Variants in DERA observed in about 807,000 individuals in gnomAD.
DERA encodes deoxyribose-phosphate aldolase.
DERA carries 15 observed loss-of-function variants against 41.1 expected under a neutral mutation model. The ratio of observed to expected loss-of-function variants is 0.37; its 90% CI spans 0.24 to 0.56. The LOEUF is 0.56. Among genes scored for constraint, DERA ranks in the 20% least tolerant of loss-of-function variants. DERA has a pLI of 0.81. For missense variants in DERA, 396 were observed against 403.4 expected (o/e 0.98, Z 0.16); for synonymous variants, 139 against 137.4 (o/e 1.01, Z -0.08).
In DERA at chr12:15,913,525, C is replaced by T. The variant is rs1274832403; in HGVS notation, c.31+2111C>T. ...TTTCTAAAATAAATTAACATTTTTG[C>T]TTCCCTTTTCTTATTACAAAAGGAA... On this transcript the variant is annotated intron_variant, in intron 1 of 8. Coordinates refer to ENST00000428559, the MANE Select transcript of DERA (RefSeq NM_015954.4). This position sits in a 1 kb window ranked among gnomAD's most constrained non-coding sequence, Gnocchi z 4.5. 6.6e-6 allele frequency among the ~76,000 whole-genome samples: 1 copy of T among 152,098 alleles called. No individual in the cohort carries two copies. Among genetic ancestry groups the T allele is most frequent in the African/African-American group, 2.4e-5 (1 of 41,442 alleles).
At chr12:15,925,535 T>A (rs1204129800) in intron 1 of DERA, among the ~76,000 whole-genome samples, 7 of 152,212 alleles carry the variant, frequency 4.6e-5, no homozygotes, top group African/African-American at 1.7e-4. Context: ...GAAATTGTTC[T>A]AAAATTAAGT....
intron 7 of DERA, among the ~76,000 whole-genome samples, chr12:16,033,625 T>G (rs983000956): frequency 1.7e-5 from 1 of 58,998 alleles, no homozygotes; most frequent in African/African-American, 5.4e-5. Flanking sequence ...GTGTGTGTGT[T>G]TAATGACACT....
At chr12:15,953,125 A>G (rs181876620) in intron 1 of DERA, among the ~76,000 whole-genome samples, 5 of 152,274 alleles carry the variant, frequency 3.3e-5, no homozygotes, top group Admixed American at 2.0e-4. Flanking sequence ...CTGAGAAACA[A>G]TGCTTTACGG....
chr12:15,999,613 G>C lies in DERA; in HGVS notation c.637+17177G>C, dbSNP rs914293959. ...ATGTCATGGTGAGAAAGCTGGTCTG[G>C]TTGGGCTGGAGAGTAAATGGAAAGT... On this transcript the variant is annotated intron_variant, in intron 6 of 8. Transcript: ENST00000428559. This position sits in a 1 kb window ranked among gnomAD's most constrained non-coding sequence, Gnocchi z 5.3. Among the ~76,000 whole-genome samples the C allele has an allele frequency of 2.0e-5, 3 of 152,300 alleles. No individual in the cohort carries two copies. Among genetic ancestry groups the C allele is most frequent in the South Asian group, 2.1e-4 (1 of 4,822 alleles).
In DERA at chr12:16,036,310, G is replaced by C. The variant is rs747251103; in HGVS notation, c.829G>C (p.Gly277Arg). The C allele has an allele frequency of 6.2e-7, 1 of 1,613,724 alleles. No homozygotes were observed. Among genetic ancestry groups the C allele is most frequent in the African/African-American group, 1.3e-5 (1 of 75,044 alleles). The change falls in exon 8 of 9, where the codon GGA becomes CGA. Residue 277 changes from glycine (G) to arginine (R), a missense_variant. Physicochemically the swap from Gly to Arg is moderately radical, Grantham distance 125. Coordinates refer to ENST00000428559, the MANE Select transcript of DERA (RefSeq NM_015954.4). This position sits in a 1 kb window ranked among gnomAD's most constrained non-coding sequence, Gnocchi z 4.9. ...AWLSLVKEEL[G>R]DEWLKPELFR... ...GCTCTCTCTTGTAAAGGAGGAGCTT[G>C]GAGATGAGTGGCTGAAGCCAGAACT... is the stretch of plus-strand genomic sequence containing the variant.
intron 5 of DERA, among the ~76,000 whole-genome samples, chr12:15,969,682 T>A (rs974473575): frequency 1.3e-5 from 2 of 152,218 alleles, no homozygotes; most frequent in Non-Finnish European, 2.9e-5. Context: ...TTCATTTTCT[T>A]ACATGAAGAG....
intron 5 of DERA, among the ~76,000 whole-genome samples, chr12:15,974,882 C>T (rs1294299490): frequency 6.6e-6 from 1 of 152,158 alleles, no homozygotes; most frequent in Non-Finnish European, 1.5e-5. Context: ...CCTTCCCTCG[C>T]TCCCTTCCTC....
Position 15,936,795 on chromosome 12 carries a change from G to A in DERA, c.32-20141G>A, listed in dbSNP as rs1237750876. Among the ~76,000 whole-genome samples the A allele has an allele frequency of 6.6e-6, 1 of 150,518 alleles. No individual in the cohort carries two copies. The highest frequency in any genetic ancestry group is 6.6e-5 in the Admixed American group (1 of 15,130). On this transcript the variant is annotated intron_variant, in intron 1 of 8. Transcript: ENST00000428559. The surrounding 1 kb of genome is among the most constrained non-coding windows in gnomAD (Gnocchi z 4.6). ...GTAGATTGTCTCACCACCCGGATTT[G>A]TCTGATTATTTTCTAGTGATGTCAT... is the stretch of plus-strand genomic sequence containing the variant.
chr12:15,973,066 C>A (rs1356636801), intron 5 of DERA, among the ~76,000 whole-genome samples: 1 of 152,120 alleles, frequency 6.6e-6, no homozygotes, highest in African/African-American at 2.4e-5. Flanking sequence ...TCCACTGACA[C>A]AGCCTCACTT....
chr12:15,958,073 A>AT (rs1193754294), intron 2 of DERA, 115 bp from the exon 3 acceptor site: 33 of 776,214 alleles, frequency 4.3e-5, no homozygotes, highest in Non-Finnish European at 1.4e-5. Flanking sequence ...CAGTGTAGGC[A>AT]TAAGATATTA....
intron 1 of DERA, among the ~76,000 whole-genome samples, chr12:15,946,866 G>T (rs1592011964): frequency 6.6e-6 from 1 of 152,260 alleles, no homozygotes; most frequent in Non-Finnish European, 1.5e-5. Context: ...GGCATTTAGT[G>T]CTATAAATTT....
rs1409931117 is a variant in DERA, at chr12:15,941,284, A to T, written c.32-15652A>T. On this transcript the variant is annotated intron_variant, in intron 1 of 8. Transcript: ENST00000428559. This position sits in a 1 kb window ranked among gnomAD's most constrained non-coding sequence, Gnocchi z 4.5. ...TCAGGCCGGGGCTCAACTAGCTGCT[A>T]TAGCAAATGGGTATAACAGAGACAC... 1.3e-5 allele frequency among the ~76,000 whole-genome samples: 2 copies of T among 152,172 alleles called. No homozygotes were observed. Among genetic ancestry groups the T allele is most frequent in the East Asian group, 3.8e-4 (2 of 5,200 alleles).
Position 16,032,570 on chromosome 12 carries a change from A to T in DERA, c.666A>T (p.Gly222=). The T allele has an allele frequency of 6.4e-7, 1 of 1,557,230 alleles. No individual in the cohort carries two copies. The highest frequency in any genetic ancestry group is 8.7e-7 in the Non-Finnish European group (1 of 1,151,144). The change falls in exon 7 of 9, where the codon GGA becomes GGT. Residue 222 remains glycine, a synonymous_variant. Transcript: ENST00000428559. ...AGSDFIKTST[G]KETVNATFPV... ...CAGATTTTATTAAGACCTCTACTGG[A>T]AAAGAAACAGTAAATGCCACCTTCC...
chr12:15,961,325 A>G lies in DERA; in HGVS notation c.373+1401A>G, dbSNP rs113290771. Among the ~76,000 whole-genome samples the G allele has an allele frequency of 6.3e-4, 96 of 152,332 alleles. 3 individuals are homozygous for G. The highest frequency in any genetic ancestry group is 3.4e-3 in the Middle Eastern group (1 of 294). On this transcript the variant is annotated intron_variant, in intron 4 of 8. Transcript: ENST00000428559. ...TGTATATGGATGGATGAATAGACAG[A>G]TATAAAATTAGATTCTAGTTTTAAG...
At chr12:15,977,950 C>T (rs1182600639) in intron 5 of DERA, among the ~76,000 whole-genome samples, 1 of 152,180 alleles carries the variant, frequency 6.6e-6, no homozygotes, top group Non-Finnish European at 1.5e-5. Flanking sequence ...GAACTTATTG[C>T]TTCACTTGTA....
chr12:16,031,559 G>A (rs980604313), intron 6 of DERA, among the ~76,000 whole-genome samples: 2 of 152,164 alleles, frequency 1.3e-5, no homozygotes, highest in African/African-American at 4.8e-5. Flanking sequence ...CTCTGGTAGT[G>A]CCCGTGCTGC....
intron 5 of DERA, among the ~76,000 whole-genome samples, chr12:15,963,475 A>T (rs1948601907): frequency 1.3e-5 from 2 of 152,210 alleles, no homozygotes; most frequent in Non-Finnish European, 2.9e-5. Context: ...TTAATGATTC[A>T]CTATCACGTC....
intron 6 of DERA, among the ~76,000 whole-genome samples, chr12:16,029,940 T>TTTTTTTTTTGGG (rs56329881): frequency 7.8e-6 from 1 of 127,640 alleles, no homozygotes. Flanking sequence ...TTTTTTTTTT[T>TTTTTTTTTTGGG]GAGATGGAGT....
Position 15,999,374 on chromosome 12 carries a change from G to GA in DERA, c.637+16943dup, listed in dbSNP as rs1948859997. On this transcript the variant is annotated intron_variant, in intron 6 of 8. Transcript: ENST00000428559. The surrounding 1 kb of genome is among the most constrained non-coding windows in gnomAD (Gnocchi z 5.3). ...TTATCTCTTAGTGTGGTGAAGAAGT[G>GA]AAAAATAGGGTTTATGATTTGTCAT... 6.6e-6 allele frequency among the ~76,000 whole-genome samples: 1 copy of GA among 152,180 alleles called. No homozygotes were observed. Among genetic ancestry groups the GA allele is most frequent in the South Asian group, 2.1e-4 (1 of 4,830 alleles).
Sources: allele counts gnomAD v4.1 joint callset (sites outside exome capture counted in the v4.1 genomes callset), GRCh38; gene constraint gnomAD v4.1.1; non-coding constraint Gnocchi (gnomAD v3.1); transcripts MANE v1.5; gene names NCBI Gene and HGNC (gene_info 2026-07-23, HGNC 2026-07-21).